The following COMMD1 variants were observed in gnomAD, a reference collection of about 807,000 sequenced individuals.
COMMD1 encodes copper metabolism domain containing 1, also known as COMM domain-containing protein 1.
In COMMD1, 10 loss-of-function variants were observed where a neutral mutation model predicts 17.2. The ratio of observed to expected loss-of-function variants is 0.58; its 90% confidence interval spans 0.36 to 0.99. The LOEUF is 0.99. COMMD1 is among the 50% of genes least tolerant of loss of function. COMMD1 has a pLI of 0.01. For missense variants in COMMD1, 270 were observed against 231.8 expected (o/e 1.17, Z -1.07); for synonymous variants, 97 against 91.6 (o/e 1.06, Z -0.34).
upstream of COMMD1, among the ~76,000 whole-genome samples, chr2:61,903,217 G>A (rs1281844735): frequency 1.3e-5 from 2 of 152,114 alleles, no homozygotes; most frequent in Non-Finnish European, 2.9e-5. Context: ...GCTGAGGTGG[G>A]TGGATCACCT....
chr2:62,124,278 A>G (rs1169807341), intron 2 of COMMD1, among the ~76,000 whole-genome samples: 7 of 152,196 alleles, frequency 4.6e-5, no homozygotes, highest in African/African-American at 1.2e-4. Context: ...CAGCCTGAGC[A>G]ATGGAGCAAG....
At chr2:62,130,123 C>T (rs1189200438) in intron 2 of COMMD1, among the ~76,000 whole-genome samples, 2 of 146,858 alleles carry the variant, frequency 1.4e-5, no homozygotes, top group East Asian at 2.0e-4. Context: ...TGCAATGAGC[C>T]GAGATCGCGC....
rs377306647 is a variant in COMMD1, at chr2:62,121,107, C to T, written c.463-14724C>T. Among the ~76,000 whole-genome samples the T allele has an allele frequency of 7.2e-5, 11 of 151,908 alleles. No homozygotes were observed. In the East Asian group the frequency reaches 1.5e-3, roughly 21 times the overall value. On this transcript the variant is annotated intron_variant, in intron 2 of 2. Coordinates refer to ENST00000311832, the MANE Select transcript of COMMD1 (RefSeq NM_152516.4). The stretch of plus-strand genomic sequence containing the variant: ...CCTAAAGGCCAGGCACAGTGGCTCA[C>T]GCCTGTAATTCCAGCACTTTGGGAG...
chr2:61,921,605 A>G (rs1257222044), intron 1 of COMMD1, among the ~76,000 whole-genome samples: 16 of 151,984 alleles, frequency 1.1e-4, no homozygotes, highest in Non-Finnish European at 2.4e-4. Flanking sequence ...CACCACACCC[A>G]GCTAATTTTT....
intron 2 of COMMD1, among the ~76,000 whole-genome samples, chr2:62,073,856 C>T (rs1420446198): frequency 6.6e-6 from 1 of 152,108 alleles, no homozygotes; most frequent in Non-Finnish European, 1.5e-5. Flanking sequence ...CGCCACCATG[C>T]TTGGCTAATT....
intron 2 of COMMD1, among the ~76,000 whole-genome samples, chr2:62,044,356 A>C (rs1409050959): frequency 1.3e-5 from 2 of 152,182 alleles, no homozygotes. Context: ...AGAGATCTTT[A>C]TGTTATGTCT....
intron 2 of COMMD1, among the ~76,000 whole-genome samples, chr2:62,105,145 G>GA (rs746873881): frequency 6.7e-6 from 1 of 149,378 alleles, no homozygotes; most frequent in Admixed American, 6.7e-5. Flanking sequence ...AAAAGAAAAA[G>GA]AAAAAAAAGA....
At chr2:62,070,544 T>A in intron 2 of COMMD1, among the ~76,000 whole-genome samples, 2 of 73,606 alleles carry the variant, frequency 2.7e-5, no homozygotes, top group African/African-American at 7.5e-5. Flanking sequence ...CAAGACCCTG[T>A]CTCTAAAAAA....
chr2:61,964,411 A>G (rs543426402), intron 1 of COMMD1, among the ~76,000 whole-genome samples: 15 of 151,968 alleles, frequency 9.9e-5, no homozygotes, highest in Non-Finnish European at 2.2e-4. Context: ...ATGTGGTTTC[A>G]CCATGTTGCC....
intron 2 of COMMD1, among the ~76,000 whole-genome samples, chr2:62,004,496 G>T (rs1283746179): frequency 6.6e-6 from 1 of 151,946 alleles, no homozygotes; most frequent in African/African-American, 2.4e-5. Flanking sequence ...AGAGATGGGG[G>T]TTTCACCATC....
intron 2 of COMMD1, among the ~76,000 whole-genome samples, chr2:62,027,025 A>G (rs563165163): frequency 5.1e-4 from 77 of 152,032 alleles, no homozygotes; most frequent in African/African-American, 1.8e-3. Flanking sequence ...ATATACTTGA[A>G]TCCTTTTTGT....
At chr2:62,117,020 AAAG>A (rs1187557736) in intron 2 of COMMD1, among the ~76,000 whole-genome samples, 1 of 151,758 alleles carries the variant, frequency 6.6e-6, no homozygotes, top group African/African-American at 2.4e-5. Flanking sequence ...AAAAAATGAC[AAAG>A]ATGAACCTTG....
chr2:62,078,372 T>G (rs1170881664), intron 2 of COMMD1, among the ~76,000 whole-genome samples: 1 of 142,778 alleles, frequency 7.0e-6, no homozygotes, highest in Admixed American at 7.1e-5. Flanking sequence ...GCCAGCATGG[T>G]GAAACTCTGT....
chr2:61,974,149 C>T (rs1385211892), intron 1 of COMMD1, among the ~76,000 whole-genome samples: 2 of 152,012 alleles, frequency 1.3e-5, no homozygotes, highest in East Asian at 1.9e-4. Flanking sequence ...CAAAAATTAA[C>T]CTGGTGTGGT....
intron 1 of COMMD1, among the ~76,000 whole-genome samples, chr2:61,937,247 C>A (rs1670628402): frequency 6.6e-6 from 1 of 152,212 alleles, no homozygotes; most frequent in South Asian, 2.1e-4. Context: ...CCCCACTTCA[C>A]TTTCATGGCC....
chr2:62,114,051 G>A (rs2104052707), intron 2 of COMMD1, among the ~76,000 whole-genome samples: 1 of 152,216 alleles, frequency 6.6e-6, no homozygotes, highest in Admixed American at 6.5e-5. Flanking sequence ...GATTTTTCTG[G>A]TTTGTTTCAT....
chr2:62,015,407 G>A (rs1304761403), intron 2 of COMMD1, among the ~76,000 whole-genome samples: 1 of 152,002 alleles, frequency 6.6e-6, no homozygotes, highest in African/African-American at 2.4e-5. Context: ...ACCACATTTT[G>A]TTTATCCATT....
chr2:61,997,061 T>C (rs942800045), intron 1 of COMMD1, among the ~76,000 whole-genome samples: 3 of 151,852 alleles, frequency 2.0e-5, no homozygotes, highest in East Asian at 1.9e-4. Flanking sequence ...TTCTTTCTTT[T>C]TTTTTTTTTT....
chr2:61,993,217 G>A (rs932099441), intron 1 of COMMD1, among the ~76,000 whole-genome samples: 7 of 152,166 alleles, frequency 4.6e-5, no homozygotes, highest in Admixed American at 4.6e-4. Context: ...ACTTAGTTTA[G>A]GTTCAAGATA....
Sources: gnomAD v4.1 joint callset for allele counts (sites outside exome capture counted in the v4.1 genomes callset) on GRCh38, gnomAD v4.1.1 for gene constraint, MANE v1.5 for transcripts, NCBI Gene and HGNC (gene_info 2026-07-23, HGNC 2026-07-21) for gene names.